Variants in PIGB observed in about 807,000 individuals in gnomAD.
The protein encoded by PIGB is GPI alpha-1,2-mannosyltransferase 3.
A neutral mutation model predicts 68.4 loss-of-function variants in PIGB; 58 were observed. The observed-to-expected ratio is 0.85, with a 90% confidence interval of 0.69 to 1.06. The LOEUF (loss-of-function observed/expected upper bound fraction) is 1.06. Among genes scored for constraint, PIGB ranks in the 50% least tolerant of loss-of-function variants. The pLI, the probability that PIGB is intolerant of heterozygous loss-of-function variation, is 0.00. For missense variants in PIGB, 634 were observed against 655.8 expected (o/e 0.97, Z 0.36); for synonymous variants, 219 against 220.5 (o/e 0.99, Z 0.06).
At position 55,340,954 on chromosome 15, in the gene PIGB, T is replaced by C. The variant is rs2055656707; in HGVS notation, c.1058+131T>C. 1.2e-5 allele frequency: 7 copies of C among 605,128 alleles called. No homozygotes were observed. In the East Asian group the frequency reaches 1.7e-4, roughly 15 times the overall value. The allele number at this position is 605,128 out of a possible 1,614,324, so 37.5% of individuals were successfully genotyped here. The stretch of plus-strand genomic sequence containing the variant: ...TGTTAGTGGGAATTATCTTAGAAGA[T>C]ACAAGTAGTAGTAATTATGGAGGCA... On this transcript the variant is annotated intron_variant, in intron 8 of 11. Coordinates refer to ENST00000164305, the MANE Select transcript of PIGB (RefSeq NM_004855.5).
chr15:55,345,844 C>G (rs920513066), intron 9 of PIGB, among the ~76,000 whole-genome samples: 1 of 152,194 alleles, frequency 6.6e-6, no homozygotes, highest in Non-Finnish European at 1.5e-5. Flanking sequence ...TTTCCCAGCC[C>G]CATTCTACTG....
At chr15:55,324,956 A>G in intron 3 of PIGB, 1 of 271,478 alleles carries the variant, frequency 3.7e-6, no homozygotes, top group Non-Finnish European at 5.6e-6. Context: ...AAAAGAAAAT[A>G]AAGTGCTAAA....
chr15:55,321,207 T>TAAA (rs150311504), intron 2 of PIGB, 66 bp from the exon 3 acceptor site: 89 of 1,154,130 alleles, frequency 7.7e-5, no homozygotes, highest in Non-Finnish European at 8.6e-5. Context: ...GACCCCATCT[T>TAAA]AAAAAAAAAA....
chr15:55,338,195 C>T (rs959916018), intron 6 of PIGB, among the ~76,000 whole-genome samples: 17 of 152,148 alleles, frequency 1.1e-4, no homozygotes, highest in Non-Finnish European at 2.9e-5. Flanking sequence ...TTGTTGGAGG[C>T]AGTCTCTGAG....
intron 3 of PIGB, among the ~76,000 whole-genome samples, chr15:55,321,844 G>C (rs1188944199): frequency 2.0e-5 from 3 of 148,152 alleles, no homozygotes; most frequent in Non-Finnish European, 4.5e-5. Context: ...TAGAGATGGG[G>C]TTTCTCTGTG....
At chr15:55,335,307 T>G (rs980679825) in intron 6 of PIGB, among the ~76,000 whole-genome samples, 2 of 152,212 alleles carry the variant, frequency 1.3e-5, no homozygotes, top group African/African-American at 4.8e-5. Flanking sequence ...GGTAGCAATC[T>G]GAAAAGGACT....
At chr15:55,326,129 G>A in intron 3 of PIGB, among the ~76,000 whole-genome samples, 1 of 151,776 alleles carries the variant, frequency 6.6e-6, no homozygotes, top group Non-Finnish European at 1.5e-5. Context: ...TCTGGGAGGT[G>A]GAGCTTGCAG....
At chr15:55,331,920 G>A (rs1004684297) in intron 5 of PIGB, among the ~76,000 whole-genome samples, 4 of 151,992 alleles carry the variant, frequency 2.6e-5, no homozygotes, top group African/African-American at 9.7e-5. Context: ...AGTATTTTGG[G>A]CTAGGATTCC....
At chr15:55,351,912 T>TAAAAAAAAAAAAAAA in intron 10 of PIGB, 1 of 148,326 alleles carries the variant, frequency 6.7e-6, no homozygotes, top group African/African-American at 2.5e-5. Context: ...TTAGTCCAGA[T>TAAAAAAAAAAAAAAA]TTACTACTGG....
At chr15:55,342,677 G>A (rs2055699043) in intron 9 of PIGB, among the ~76,000 whole-genome samples, 5 of 152,240 alleles carry the variant, frequency 3.3e-5, no homozygotes, top group African/African-American at 9.6e-5. Flanking sequence ...GCAGGCGTGA[G>A]CCACCGCGCC....
intron 5 of PIGB, among the ~76,000 whole-genome samples, chr15:55,333,434 T>C (rs2141184785): frequency 6.6e-6 from 1 of 151,816 alleles, no homozygotes; most frequent in South Asian, 2.1e-4. Context: ...TGTCTCCCAC[T>C]AAAAATACAA....
chr15:55,351,371 T>C (rs2055918542), intron 10 of PIGB, among the ~76,000 whole-genome samples: 2 of 151,972 alleles, frequency 1.3e-5, no homozygotes, highest in South Asian at 4.2e-4. Context: ...CCTCCCAAAG[T>C]GCGGGGATTA....
intron 10 of PIGB, among the ~76,000 whole-genome samples, chr15:55,351,193 C>T (rs185474777): frequency 9.3e-5 from 14 of 151,090 alleles, no homozygotes; most frequent in Admixed American, 4.0e-4. Flanking sequence ...CTGCAAGCTC[C>T]GCCTCCCAGG....
intron 5 of PIGB, among the ~76,000 whole-genome samples, chr15:55,331,280 G>A (rs1163411151): frequency 3.9e-5 from 6 of 152,136 alleles, no homozygotes; most frequent in Admixed American, 3.9e-4. Context: ...GGGCCCAGGT[G>A]CCCTTCCCTA....
rs995064338 is a variant in PIGB at position 55,327,429 on chromosome 15, G to A, written c.418-102G>A. The stretch of plus-strand genomic sequence containing the variant: ...TATTGCCTATTTTTGTACTAAGAAT[G>A]GCTTCCCATAGATAGTTGGATCAGC... On this transcript the variant is annotated intron_variant, in intron 3 of 11. Coordinates refer to ENST00000164305, the MANE Select transcript of PIGB (RefSeq NM_004855.5). 12 of 692,250 alleles carry A rather than the reference G, an allele frequency of 1.7e-5. No individual in the cohort carries two copies. The African/African-American group carries it at 2.2e-4, about 13-fold the overall frequency. 42.9% of individuals were successfully genotyped at this position (692,250 alleles called of 1,614,324 possible). A position where few individuals can be genotyped will look rare whatever the true frequency, so the allele number is the denominator to read the frequency against.
chr15:55,325,562 C>G (rs1240653403), intron 3 of PIGB, among the ~76,000 whole-genome samples: 1 of 151,946 alleles, frequency 6.6e-6, no homozygotes, highest in African/African-American at 2.4e-5. Context: ...CTTAAATTTA[C>G]TCTTTAATGT....
In PIGB at chr15:55,355,279, C is replaced by A; in HGVS notation, c.1519-7C>A. 1.3e-6 allele frequency: 2 copies of A among 1,596,568 alleles called. No individual in the cohort carries two copies. Among genetic ancestry groups the A allele is most frequent in the Non-Finnish European group, 1.7e-6 (2 of 1,169,362 alleles). ...CTTTATTTACTTAAACATTTATTTG[C>A]TTCTAGGAAATAAGCGCTTTCCTAA... On this transcript the variant is annotated splice_region_variant and splice_polypyrimidine_tract_variant and intron_variant, in intron 11 of 11. Transcript: ENST00000164305.
Position 55,326,048 on chromosome 15 carries a change from T to C in PIGB, c.418-1483T>C, listed in dbSNP as rs554903094. ...CCCATCTCTACTAAAATACAAAAAA[T>C]TAGCTGGGCGTGGCGGCGTGCACCT... On this transcript the variant is annotated intron_variant, in intron 3 of 11. Coordinates refer to ENST00000164305, the MANE Select transcript of PIGB (RefSeq NM_004855.5). Among the ~76,000 whole-genome samples, 353 of 151,698 alleles carry C rather than the reference T, an allele frequency of 2.3e-3. 1 individual carries two copies. The highest frequency in any genetic ancestry group is 8.0e-3 in the African/African-American group (332 of 41,360).
chr15:55,354,821 T>C lies in PIGB; in HGVS notation c.1361T>C (p.Met454Thr), dbSNP rs1484075209. Residue 454 changes from methionine (M) to threonine (T), a missense_variant, in exon 11 of 12, where the codon ATG becomes ACG. Met to Thr is a moderately conservative substitution (Grantham distance 81, BLOSUM62 -1). Coordinates refer to ENST00000164305, the MANE Select transcript of PIGB (RefSeq NM_004855.5). ...AGCCATGTTCACTGCCCACTTCCCATGAGATTTCTCCAGTGCCCGCCAGAC... is the reference window on the plus strand; with the variant it reads ...AGCCATGTTCACTGCCCACTTCCCACGAGATTTCTCCAGTGCCCGCCAGAC... ...YYSHVHCPLPMRFLQCPPDLT... is the reference protein window; with the variant it reads ...YYSHVHCPLPTRFLQCPPDLT... 2 of 1,610,920 alleles carry C rather than the reference T, an allele frequency of 1.2e-6. No homozygotes were observed. The highest frequency in any genetic ancestry group is 3.4e-5 in the Admixed American group (2 of 59,318).
Sources: gnomAD v4.1 joint callset for allele counts (sites outside exome capture counted in the v4.1 genomes callset) on GRCh38, gnomAD v4.1.1 for gene constraint, MANE v1.5 for transcripts, NCBI Gene and HGNC (gene_info 2026-07-23, HGNC 2026-07-21) for gene names.